The following NOS1 variants were observed in gnomAD, a reference collection of about 807,000 sequenced individuals.
The protein encoded by NOS1 is NOS type I.
A neutral mutation model predicts 164.5 loss-of-function variants in NOS1; 51 were observed. The ratio of observed to expected loss-of-function variants is 0.31; its 90% CI spans 0.25 to 0.39. The LOEUF is 0.39. NOS1 is among the 10% of genes least tolerant of loss of function. The pLI is 1.00. For missense variants in NOS1, 1,362 were observed against 1,885.6 expected, an observed-to-expected ratio of 0.72 and a Z score of 5.14; for synonymous variants, 719 against 745.8, an observed-to-expected ratio of 0.96 and a Z score of 0.59.
chr12:117,212,372 T>C lies in NOS1; in HGVS notation c.*2937A>G, dbSNP rs560320416. On this transcript the variant is annotated 3_prime_UTR_variant, in exon 29 of 29. Coordinates refer to ENST00000317775, the MANE Select transcript of NOS1 (RefSeq NM_000620.5). ...TCAGGTCGGCTCCCAAAATTCCATA[T>C]TGATGGGTCTGAAGTGTCCCCCCGC... 6.1e-6 allele frequency: 6 copies of C among 985,328 alleles called. No individual in the cohort carries two copies. Among genetic ancestry groups the C allele is most frequent in the African/African-American group, 1.7e-5 (1 of 57,324 alleles). The allele number at this position is 985,328 out of a possible 1,614,324, so 61.0% of individuals were successfully genotyped here.
At chr12:117,252,306 T>C (rs1313834246) in intron 17 of NOS1, among the ~76,000 whole-genome samples, 1 of 152,220 alleles carries the variant, frequency 6.6e-6, no homozygotes, top group Non-Finnish European at 1.5e-5. Flanking sequence ...ACCATCAAAC[T>C]AATTACAAAT....
intron 3 of NOS1, among the ~76,000 whole-genome samples, chr12:117,297,679 C>T (rs1166925622): frequency 1.3e-5 from 2 of 151,780 alleles, no homozygotes; most frequent in Non-Finnish European, 2.9e-5. Flanking sequence ...GCATGAGCCA[C>T]TGCACCCAGC....
rs543293925 is a variant in NOS1 at position 117,283,286 on chromosome 12, T to C, written c.1382+1955A>G. Among the ~76,000 whole-genome samples, 19 of 152,238 alleles carry C rather than the reference T, an allele frequency of 1.2e-4. 1 individual carries two copies. In the South Asian group the frequency reaches 3.9e-3, roughly 32 times the overall value. ...CATATTGCCCAGGCTGGTCTCAAAC[T>C]CTTGAGCTCAAGTGATCCATTCACC... On this transcript the variant is annotated intron_variant, in intron 7 of 28. Coordinates refer to ENST00000317775, the MANE Select transcript of NOS1 (RefSeq NM_000620.5).
chr12:117,248,645 C>T (rs1037200325), intron 17 of NOS1, among the ~76,000 whole-genome samples: 23 of 152,056 alleles, frequency 1.5e-4, no homozygotes, highest in Middle Eastern at 3.4e-3. Context: ...TGAATAATGC[C>T]GCAATAAACA....
chr12:117,231,906 T>C, intron 22 of NOS1, 56 bp downstream of exon 22: 3 of 1,531,200 alleles, frequency 2.0e-6, no homozygotes, highest in South Asian at 2.4e-5. Flanking sequence ...TTCAACTCTT[T>C]AATGACGAGG....
rs576127665 is a variant in NOS1, at chr12:117,265,200, C to T, written c.2136+116G>A. On this transcript the variant is annotated intron_variant, in intron 12 of 28. Transcript: ENST00000317775. ...ACCTGTGCAATATGGTAGCCACCAGCCACATGTGGCTATTGAGTGTCCAGA... is the reference window on the plus strand; with the variant it reads ...ACCTGTGCAATATGGTAGCCACCAGTCACATGTGGCTATTGAGTGTCCAGA... 766 of 863,110 alleles carry T rather than the reference C, an allele frequency of 8.9e-4. 3 individuals are homozygous for T. Among genetic ancestry groups the T allele is most frequent in the Non-Finnish European group, 1.2e-3 (718 of 605,446 alleles). The allele number at this position is 863,110 out of a possible 1,614,324, so 53.5% of individuals were successfully genotyped here.
intron 13 of NOS1, among the ~76,000 whole-genome samples, chr12:117,262,877 TCA>T (rs1295392517): frequency 6.6e-6 from 1 of 152,116 alleles, no homozygotes; most frequent in African/African-American, 2.4e-5. Flanking sequence ...AAATCACTCC[TCA>T]GTAGTCTCAG....
intron 28 of NOS1, among the ~76,000 whole-genome samples, chr12:117,215,954 T>C (rs531036255): frequency 6.8e-6 from 1 of 147,082 alleles, no homozygotes; most frequent in Non-Finnish European, 1.5e-5. Flanking sequence ...CTCGGCTGGC[T>C]GCAACCTCTG....
At position 117,208,622 on chromosome 12, in the gene NOS1, C is replaced by T. The variant is rs1956479418; in HGVS notation, c.*6687G>A. 1 of 1,166,212 alleles carries T rather than the reference C, an allele frequency of 8.6e-7. No homozygotes were observed. Among genetic ancestry groups the T allele is most frequent in the African/African-American group, 1.6e-5 (1 of 61,912 alleles). The allele number at this position is 1,166,212 out of a possible 1,614,324, so 72.2% of individuals were successfully genotyped here. On this transcript the variant is annotated 3_prime_UTR_variant, in exon 29 of 29. Coordinates refer to ENST00000317775, the MANE Select transcript of NOS1 (RefSeq NM_000620.5). The stretch of plus-strand genomic sequence containing the variant: ...CACAGGACATGGGAGGGGACTGAGA[C>T]CCAGCTCAAGAGCACTGGATCTCAG...
rs373179660 is a variant in NOS1 at position 117,224,977 on chromosome 12, C to G, written c.3826+39G>C. 14 of 1,613,306 alleles carry G rather than the reference C, an allele frequency of 8.7e-6. No individual in the cohort carries two copies. In the African/African-American group the frequency reaches 1.7e-4, roughly 20 times the overall value. The stretch of plus-strand genomic sequence containing the variant: ...AGACACAGCTGGACCTCCCCAGGTC[C>G]GGGGGTGGGAACCAAGTGGCCACTG... On this transcript the variant is annotated intron_variant, in intron 25 of 28. Transcript: ENST00000317775.
At chr12:117,230,424 T>A (rs954773711) in intron 22 of NOS1, among the ~76,000 whole-genome samples, 1 of 152,216 alleles carries the variant, frequency 6.6e-6, no homozygotes, top group Admixed American at 6.5e-5. Context: ...TGCTTCCAAG[T>A]CCTTGGAGGT....
intron 2 of NOS1, among the ~76,000 whole-genome samples, chr12:117,327,751 C>T (rs1419534813): frequency 1.3e-5 from 2 of 152,084 alleles, no homozygotes; most frequent in African/African-American, 4.8e-5. Flanking sequence ...ACCAAAGGTG[C>T]AGGGAGGACT....
intron 2 of NOS1, among the ~76,000 whole-genome samples, chr12:117,327,453 A>G (rs951903037): frequency 1.3e-5 from 2 of 152,180 alleles, no homozygotes; most frequent in African/African-American, 4.8e-5. Flanking sequence ...GCAAGGCCTC[A>G]AGATGCCACC....
Position 117,287,387 on chromosome 12 carries a change from G to A in NOS1, c.1127+687C>T, listed in dbSNP as rs75342118. ...CAGTTGTTATAGTATTCCATCACTG[G>A]AATATACCATAACTTACCCATTCTC... On this transcript the variant is annotated intron_variant, in intron 5 of 28. Coordinates refer to ENST00000317775, the MANE Select transcript of NOS1 (RefSeq NM_000620.5). 3.2e-3 allele frequency among the ~76,000 whole-genome samples: 489 copies of A among 151,988 alleles called. 4 individuals are homozygous for A. The highest frequency in any genetic ancestry group is 0.011 in the African/African-American group (472 of 41,430).
intron 7 of NOS1, among the ~76,000 whole-genome samples, chr12:117,284,674 T>C (rs1873959500): frequency 6.6e-6 from 1 of 152,164 alleles, no homozygotes; most frequent in Admixed American, 6.5e-5. Context: ...GGGTTGAACG[T>C]GATGTTTGCT....
At chr12:117,338,608 T>G (rs1875952052) in intron 1 of NOS1, among the ~76,000 whole-genome samples, 1 of 151,900 alleles carries the variant, frequency 6.6e-6, no homozygotes, top group South Asian at 2.1e-4. Context: ...AAACTTAAAG[T>G]ATAATAATAA....
In NOS1 at chr12:117,215,011, G is replaced by A. The variant is rs1164452987; in HGVS notation, c.*298C>T. On this transcript the variant is annotated 3_prime_UTR_variant, in exon 29 of 29. Coordinates refer to ENST00000317775, the MANE Select transcript of NOS1 (RefSeq NM_000620.5). ...AAAAAACCCCCACAGCGACGGCCAT[G>A]TTCCAGTGGTTTCATGCACCCGTGA... is the stretch of plus-strand genomic sequence containing the variant. 4.3e-6 allele frequency: 5 copies of A among 1,165,546 alleles called. No individual in the cohort carries two copies. The East Asian group carries it at 1.6e-4, about 36-fold the overall frequency. 72.2% of individuals were successfully genotyped at this position (1,165,546 alleles called of 1,614,324 possible).
intron 21 of NOS1, among the ~76,000 whole-genome samples, chr12:117,233,934 T>G (rs909588425): frequency 1.3e-5 from 2 of 152,164 alleles, no homozygotes; most frequent in Non-Finnish European, 1.5e-5. Flanking sequence ...CCTAGCTCTT[T>G]TGTAAAAGTG....
At chr12:117,222,404 C>A (rs1430531415) in intron 26 of NOS1, among the ~76,000 whole-genome samples, 1 of 152,102 alleles carries the variant, frequency 6.6e-6, no homozygotes, top group African/African-American at 2.4e-5. Flanking sequence ...TACAGGTGTG[C>A]ACCACCATGC....
Sources: gnomAD v4.1 joint callset for allele counts (sites outside exome capture counted in the v4.1 genomes callset) on GRCh38, gnomAD v4.1.1 for gene constraint, MANE v1.5 for transcripts, NCBI Gene and HGNC (gene_info 2026-07-23, HGNC 2026-07-21) for gene names.